The following ATRNL1 variants were observed in gnomAD, a reference collection of about 807,000 sequenced individuals.
ATRNL1 encodes the protein attractin-like protein 1.
In ATRNL1, 95 loss-of-function variants were observed where a neutral mutation model predicts 182.7. The observed-to-expected ratio is 0.52, with a 90% CI of 0.44 to 0.62. ATRNL1 has a LOEUF of 0.62. ATRNL1 is among the 20% of genes least tolerant of loss of function. ATRNL1 has a pLI of 0.00. For synonymous variants in ATRNL1, 576 were observed against 568.3 expected, an observed-to-expected ratio of 1.01 and a Z score of -0.19; for missense variants, 1,471 against 1,679.5, an observed-to-expected ratio of 0.88 and a Z score of 2.17.
At chr10:115,707,796 C>T (rs1946946734) in intron 26 of ATRNL1, among the ~76,000 whole-genome samples, 1 of 151,536 alleles carries the variant, frequency 6.6e-6, no homozygotes, top group South Asian at 2.1e-4. Flanking sequence ...TTCATAGAAA[C>T]TTATAAATCT....
intron 26 of ATRNL1, among the ~76,000 whole-genome samples, chr10:115,663,898 A>G (rs1051916142): frequency 5.9e-5 from 9 of 152,070 alleles, no homozygotes; most frequent in African/African-American, 1.7e-4. Flanking sequence ...ACTGCTTTAT[A>G]TTACTCCGAT....
At chr10:115,713,443 CTGTGTGTG>C (rs140348673) in intron 26 of ATRNL1, among the ~76,000 whole-genome samples, 1 of 117,810 alleles carries the variant, frequency 8.5e-6, no homozygotes, top group African/African-American at 3.0e-5. Context: ...GGGAAAGTGG[CTGTGTGTG>C]TGTGTGTGTG....
intron 28 of ATRNL1, among the ~76,000 whole-genome samples, chr10:115,852,768 G>C (rs1951087003): frequency 6.6e-6 from 1 of 152,202 alleles, no homozygotes; most frequent in African/African-American, 2.4e-5. Context: ...GAGGGTCTCT[G>C]CTGAGCAGTG....
chr10:115,755,967 G>C (rs1948578444), intron 27 of ATRNL1, among the ~76,000 whole-genome samples: 2 of 152,108 alleles, frequency 1.3e-5, no homozygotes, highest in Non-Finnish European at 2.9e-5. Flanking sequence ...GGTGTTTATA[G>C]TATTCTCTGC....
chr10:115,784,054 C>G (rs1240360786), intron 27 of ATRNL1, among the ~76,000 whole-genome samples: 1 of 152,164 alleles, frequency 6.6e-6, no homozygotes, highest in Admixed American at 6.5e-5. Context: ...GGAGTCAGAA[C>G]TGTGTTGAAG....
At chr10:115,506,149 C>T (rs1414951852) in intron 24 of ATRNL1, among the ~76,000 whole-genome samples, 6 of 151,976 alleles carry the variant, frequency 3.9e-5, no homozygotes, top group Non-Finnish European at 8.8e-5. Flanking sequence ...CACTACACCA[C>T]CTTTGTGTGC....
intron 18 of ATRNL1, among the ~76,000 whole-genome samples, chr10:115,326,040 G>T (rs543748922): frequency 2.0e-5 from 3 of 152,070 alleles, no homozygotes; most frequent in Non-Finnish European, 4.4e-5. Flanking sequence ...GAATTAATTA[G>T]TGGTGTCACA....
At chr10:115,883,753 G>T (rs1443853410) in intron 28 of ATRNL1, among the ~76,000 whole-genome samples, 3 of 151,498 alleles carry the variant, frequency 2.0e-5, no homozygotes, top group Non-Finnish European at 4.4e-5. Context: ...TAGAGCTTTG[G>T]TATAGAAAGA....
At chr10:115,238,367 T>A (rs1226148515) in intron 9 of ATRNL1, among the ~76,000 whole-genome samples, 1 of 152,214 alleles carries the variant, frequency 6.6e-6, no homozygotes, top group Non-Finnish European at 1.5e-5. Context: ...CCAGTATTAG[T>A]TTTCCTATCT....
intron 24 of ATRNL1, among the ~76,000 whole-genome samples, chr10:115,512,825 A>G (rs1391375064): frequency 6.6e-6 from 1 of 151,910 alleles, no homozygotes. Flanking sequence ...AAGAAGTGCA[A>G]TATTTACGGT....
At chr10:115,713,467 T>TGTTTGTGTGTGTGTGTG (rs1947131120) in intron 26 of ATRNL1, among the ~76,000 whole-genome samples, 2 of 74,396 alleles carry the variant, frequency 2.7e-5, no homozygotes, top group African/African-American at 7.8e-5. Flanking sequence ...GTGTGTGTGT[T>TGTTTGTGTGTGTGTGTG]TGTGTGTGTG....
At chr10:115,182,813 A>G (rs1391359852) in intron 8 of ATRNL1, among the ~76,000 whole-genome samples, 1 of 151,592 alleles carries the variant, frequency 6.6e-6, no homozygotes, top group Admixed American at 6.6e-5. Context: ...GCAACCACCT[A>G]TAGAAAACAG....
chr10:115,419,411 G>A (rs1476281612), intron 20 of ATRNL1, among the ~76,000 whole-genome samples: 2 of 152,176 alleles, frequency 1.3e-5, no homozygotes, highest in Non-Finnish European at 2.9e-5. Context: ...ACACAATCGT[G>A]ATAGTCATCC....
chr10:115,210,626 C>T (rs1452256659), intron 8 of ATRNL1, among the ~76,000 whole-genome samples: 5 of 151,810 alleles, frequency 3.3e-5, no homozygotes, highest in African/African-American at 9.7e-5. Flanking sequence ...TATTTGTTTT[C>T]TGTTTTTTTC....
chr10:115,199,109 A>G (rs1469010313), intron 8 of ATRNL1, among the ~76,000 whole-genome samples: 1 of 152,116 alleles, frequency 6.6e-6, no homozygotes, highest in East Asian at 1.9e-4. Flanking sequence ...GGATATTATA[A>G]CAATATTAAT....
At chr10:115,861,978 A>T (rs1471853073) in intron 28 of ATRNL1, among the ~76,000 whole-genome samples, 1 of 152,054 alleles carries the variant, frequency 6.6e-6, no homozygotes, top group South Asian at 2.1e-4. Flanking sequence ...TGTTTCATAG[A>T]TTCTTTATTC....
At chr10:115,531,557 A>G (rs1318919247) in intron 25 of ATRNL1, among the ~76,000 whole-genome samples, 4 of 149,142 alleles carry the variant, frequency 2.7e-5, no homozygotes, top group African/African-American at 9.8e-5. Context: ...GGTTGTGAAA[A>G]TTTTCTCCCA....
In ATRNL1 at chr10:115,948,886, G is replaced by A. The variant is rs1381691858; in HGVS notation, c.*4107G>A. ...CAGGTGTGCATGCCAGTGTTCAAAA[G>A]ATTGTGTAAAAGTTCAAGCCCGTTT... On this transcript the variant is annotated 3_prime_UTR_variant, in exon 29 of 29. Transcript: ENST00000355044. 1 of 139,630 alleles carries A rather than the reference G, an allele frequency of 7.2e-6. No individual in the cohort carries two copies. Among genetic ancestry groups the A allele is most frequent in the East Asian group, 2.2e-4 (1 of 4,554 alleles). The allele number at this position is 139,630 out of a possible 1,614,324, so 8.6% of individuals were successfully genotyped here.
chr10:115,877,108 T>C (rs1353506114), intron 28 of ATRNL1, among the ~76,000 whole-genome samples: 1 of 152,224 alleles, frequency 6.6e-6, no homozygotes, highest in African/African-American at 2.4e-5. Flanking sequence ...GCTATTACCA[T>C]AGAATACTTT....
Sources: gnomAD v4.1 joint callset for allele counts (sites outside exome capture counted in the v4.1 genomes callset) on GRCh38, gnomAD v4.1.1 for gene constraint, MANE v1.5 for transcripts, NCBI Gene and HGNC (gene_info 2026-07-23, HGNC 2026-07-21) for gene names.